Variants in ALK observed in about 807,000 individuals in gnomAD.
ALK encodes the protein ALK tyrosine kinase receptor.
ALK carries 74 observed loss-of-function variants against 163.1 expected under a neutral mutation model. That is an observed-to-expected ratio of 0.45 (90% CI 0.38 to 0.55). The LOEUF (loss-of-function observed/expected upper bound fraction) is 0.55, where lower values mean the gene tolerates loss of function less well. ALK is among the 20% of genes least tolerant of loss of function. ALK has a pLI of 0.00. For synonymous variants in ALK, 960 were observed against 843.2 expected, an observed-to-expected ratio of 1.14 and a Z score of -2.40; for missense variants, 2,063 against 2,105.3, an observed-to-expected ratio of 0.98 and a Z score of 0.39.
At chr2:29,320,693 A>G (rs1470165407) in intron 7 of ALK, 58 bp downstream of exon 7, 14 of 1,610,900 alleles carry the variant, frequency 8.7e-6, no homozygotes, top group Admixed American at 5.0e-5. Flanking sequence ...TGAGTCTCCC[A>G]TCTGTCTATG....
At chr2:29,256,042 G>C (rs1298806197) in intron 11 of ALK, among the ~76,000 whole-genome samples, 1 of 152,206 alleles carries the variant, frequency 6.6e-6, no homozygotes, top group African/African-American at 2.4e-5. Flanking sequence ...AGAACCATGA[G>C]AAGACAGGCA....
chr2:29,890,433 A>G (rs577557617), intron 1 of ALK: 1 of 152,338 alleles, frequency 6.6e-6, no homozygotes, highest in Non-Finnish European at 1.5e-5. Flanking sequence ...CAAAAAGGTT[A>G]TAGGCGTGAT....
At chr2:29,899,471 A>C (rs1423462865) in intron 1 of ALK, 1 of 152,232 alleles carries the variant, frequency 6.6e-6, no homozygotes, top group Non-Finnish European at 1.5e-5. Flanking sequence ...TGAGCTTGTA[A>C]TGTTGCAGCT....
chr2:29,735,838 C>T (rs1679876764), intron 1 of ALK, among the ~76,000 whole-genome samples: 1 of 152,074 alleles, frequency 6.6e-6, no homozygotes, highest in African/African-American at 2.4e-5. Flanking sequence ...TTCCCGAGCC[C>T]TCCTCAGCCA....
intron 3 of ALK, among the ~76,000 whole-genome samples, chr2:29,533,109 C>G (rs1335128985): frequency 6.6e-6 from 1 of 152,224 alleles, no homozygotes; most frequent in South Asian, 2.1e-4. Flanking sequence ...AGGTTTCCAA[C>G]TTTCTTAAAG....
chr2:29,518,939 T>C (rs1299815124), intron 4 of ALK, among the ~76,000 whole-genome samples: 1 of 152,228 alleles, frequency 6.6e-6, no homozygotes, highest in Non-Finnish European at 1.5e-5. Context: ...ATAGGGAAAC[T>C]GTAGTATTAA....
intron 3 of ALK, among the ~76,000 whole-genome samples, chr2:29,634,323 C>G (rs1573515274): frequency 1.3e-5 from 2 of 152,044 alleles, no homozygotes; most frequent in East Asian, 3.9e-4. Flanking sequence ...CAGTACAAAA[C>G]AAAAGCAAAA....
intron 4 of ALK, among the ~76,000 whole-genome samples, chr2:29,474,223 G>A (rs977213301): frequency 1.3e-5 from 2 of 152,134 alleles, no homozygotes; most frequent in Non-Finnish European, 2.9e-5. Context: ...ATATCTCACA[G>A]ACACAAAATA....
chr2:29,717,171 CA>C (rs754615995), intron 2 of ALK, among the ~76,000 whole-genome samples: 859 of 70,540 alleles, frequency 0.012, 9 homozygotes, highest in African/African-American at 0.052. Flanking sequence ...GACTCTGTCT[CA>C]AAAAAAAAAA....
intron 3 of ALK, among the ~76,000 whole-genome samples, chr2:29,664,173 A>G (rs1326337339): frequency 2.6e-5 from 4 of 152,170 alleles, no homozygotes; most frequent in African/African-American, 9.7e-5. Flanking sequence ...AAAATCTCAC[A>G]TCTACAACAA....
chr2:29,250,994 C>T, intron 12 of ALK, 111 bp downstream of exon 12: 1 of 1,171,280 alleles, frequency 8.5e-7, no homozygotes, highest in South Asian at 1.5e-5. Flanking sequence ...AGTCTGTTGC[C>T]TTTGAACCTT....
At chr2:29,413,073 A>G (rs1019539615) in intron 4 of ALK, among the ~76,000 whole-genome samples, 21 of 152,136 alleles carry the variant, frequency 1.4e-4, no homozygotes, top group African/African-American at 4.8e-4. Flanking sequence ...AATCACTTTT[A>G]ATTTTGTTTC....
At chr2:29,671,978 A>G (rs1677703894) in intron 3 of ALK, among the ~76,000 whole-genome samples, 1 of 151,798 alleles carries the variant, frequency 6.6e-6, no homozygotes, top group South Asian at 2.1e-4. Flanking sequence ...TTCTCCTCCT[A>G]GTTCCCCAAC....
At chr2:29,701,194 C>T (rs1678722439) in intron 2 of ALK, among the ~76,000 whole-genome samples, 1 of 152,182 alleles carries the variant, frequency 6.6e-6, no homozygotes, top group African/African-American at 2.4e-5. Flanking sequence ...CCTCAGATTT[C>T]CCCAGAATCC....
chr2:29,705,406 CTG>C (rs1678879765), intron 2 of ALK, among the ~76,000 whole-genome samples: 1 of 151,246 alleles, frequency 6.6e-6, no homozygotes, highest in Non-Finnish European at 1.5e-5. Context: ...AGACACAGCA[CTG>C]TGTCTTCCTC....
At chr2:29,433,580 G>T (rs936969716) in intron 4 of ALK, among the ~76,000 whole-genome samples, 1 of 152,196 alleles carries the variant, frequency 6.6e-6, no homozygotes, top group Non-Finnish European at 1.5e-5. Flanking sequence ...TAATCACTGA[G>T]GGCAATATAG....
chr2:29,879,143 C>T (rs1397600074), intron 1 of ALK, among the ~76,000 whole-genome samples: 1 of 152,106 alleles, frequency 6.6e-6, no homozygotes, highest in Non-Finnish European at 1.5e-5. Context: ...GGCTACTGTC[C>T]ACACATAGCC....
intron 4 of ALK, among the ~76,000 whole-genome samples, chr2:29,405,685 G>C (rs150438548): frequency 1.3e-5 from 2 of 152,018 alleles, no homozygotes; most frequent in East Asian, 3.9e-4. Context: ...CACCACACTG[G>C]GAGAGGCAGA....
chr2:29,573,224 C>T (rs1270887207), intron 3 of ALK, among the ~76,000 whole-genome samples: 1 of 152,228 alleles, frequency 6.6e-6, no homozygotes, highest in Non-Finnish European at 1.5e-5. Context: ...GCTCCATAAA[C>T]ACCTGATGGC....
Sources: allele counts gnomAD v4.1 joint callset (sites outside exome capture counted in the v4.1 genomes callset), GRCh38; gene constraint gnomAD v4.1.1; transcripts MANE v1.5; gene names NCBI Gene and HGNC (gene_info 2026-07-23, HGNC 2026-07-21).